CADPS2: variants seen among roughly 807,000 people sequenced by gnomAD.
CADPS2 encodes calcium-dependent secretion activator 2.
CADPS2 carries 93 observed loss-of-function variants against 172.5 expected under a neutral mutation model. The ratio of observed to expected loss-of-function variants is 0.54; its 90% CI spans 0.46 to 0.64. The LOEUF (loss-of-function observed/expected upper bound fraction) is 0.64. Among genes scored for constraint, CADPS2 ranks in the 30% least tolerant of loss-of-function variants. The probability of loss-of-function intolerance (pLI) is 0.00; values close to 1 mark genes in which losing one functional copy is unlikely to be tolerated. For synonymous variants in CADPS2, 546 were observed against 555.2 expected, an observed-to-expected ratio of 0.98 and a Z score of 0.23; for missense variants, 1,420 against 1,565.9, an observed-to-expected ratio of 0.91 and a Z score of 1.57.
intron 1 of CADPS2, among the ~76,000 whole-genome samples, chr7:122,834,901 T>C (rs1220185273): frequency 6.6e-6 from 1 of 152,152 alleles, no homozygotes; most frequent in Non-Finnish European, 1.5e-5. Flanking sequence ...CTCTGCACAT[T>C]TAAATGTCCC....
intron 11 of CADPS2, among the ~76,000 whole-genome samples, chr7:122,481,545 G>C (rs761951951): frequency 9.9e-5 from 15 of 151,920 alleles, no homozygotes; most frequent in East Asian, 1.9e-4. Flanking sequence ...TTCAAGACCA[G>C]CCTGGCCAAC....
At chr7:122,862,378 T>G (rs1160797027) in intron 1 of CADPS2, among the ~76,000 whole-genome samples, 1 of 152,176 alleles carries the variant, frequency 6.6e-6, no homozygotes, top group African/African-American at 2.4e-5. Flanking sequence ...TGAAATGTCA[T>G]CACATAATCC....
chr7:122,639,589 A>G (rs925107307), intron 3 of CADPS2, among the ~76,000 whole-genome samples: 1 of 152,166 alleles, frequency 6.6e-6, no homozygotes, highest in African/African-American at 2.4e-5. Context: ...TAACCACCAT[A>G]AAGACACTCC....
At chr7:122,583,053 T>C (rs1300886372) in intron 6 of CADPS2, among the ~76,000 whole-genome samples, 2 of 151,436 alleles carry the variant, frequency 1.3e-5, no homozygotes, top group Non-Finnish European at 2.9e-5. Flanking sequence ...CTTTGCTGGA[T>C]AGAATAAGAC....
Position 122,451,472 on chromosome 7 carries a change from A to G in CADPS2, c.2190T>C (p.Pro730=), listed in dbSNP as rs1026818649. The change falls in exon 15 of 30, where the codon CCT becomes CCC. Residue 730 remains proline, a synonymous_variant. Coordinates refer to ENST00000449022, the MANE Select transcript of CADPS2 (RefSeq NM_017954.11). ...CCACTGAAACAGTCCCAATTCCATC[A>G]GGCCTGAAAAAAAAATCAGAATCAA... ...FCASHVHGNR[P]DGIGTVSVEE... is the part of the protein sequence containing the mutation. The G allele has an allele frequency of 6.5e-7, 1 of 1,548,936 alleles. No homozygotes were observed. The highest frequency in any genetic ancestry group is 8.7e-7 in the Non-Finnish European group (1 of 1,143,742).
chr7:122,348,534 T>C (rs1461439794), intron 27 of CADPS2, among the ~76,000 whole-genome samples: 4 of 152,160 alleles, frequency 2.6e-5, no homozygotes, highest in Admixed American at 2.6e-4. Flanking sequence ...TTAAAAAAAT[T>C]GCATTTTCTT....
intron 4 of CADPS2, among the ~76,000 whole-genome samples, chr7:122,622,021 G>A (rs924528557): frequency 6.6e-6 from 1 of 152,126 alleles, no homozygotes; most frequent in South Asian, 2.1e-4. Flanking sequence ...AACATGCATG[G>A]AAGATATTTT....
rs1001237974 is a variant in CADPS2, at chr7:122,424,251, C to T, written c.2477-8087G>A. 40 of 783,198 alleles carry T rather than the reference C, an allele frequency of 5.1e-5. No homozygotes were observed. In the African/African-American group the frequency reaches 7.0e-4, roughly 14 times the overall value. 48.5% of individuals were successfully genotyped at this position (783,198 alleles called of 1,614,324 possible). On this transcript the variant is annotated intron_variant, in intron 17 of 29. Transcript: ENST00000449022. ...AAGTAAGAGTTGCAGTTAATATTCT[C>T]CCGGAATTAACCATGCTAATAATAT...
chr7:122,697,761 T>TA (rs2085345475), intron 2 of CADPS2: 1 of 1,531,690 alleles, frequency 6.5e-7, no homozygotes, highest in Non-Finnish European at 8.8e-7. Context: ...CATACAGGTT[T>TA]AATACACTTC....
At chr7:122,821,291 T>C (rs1803208367) in intron 1 of CADPS2, among the ~76,000 whole-genome samples, 2 of 152,134 alleles carry the variant, frequency 1.3e-5, no homozygotes, top group South Asian at 4.1e-4. Context: ...TTATGCTATA[T>C]AGTACAAGCC....
intron 2 of CADPS2, among the ~76,000 whole-genome samples, chr7:122,690,460 G>A (rs1214328442): frequency 3.9e-5 from 6 of 152,224 alleles, no homozygotes; most frequent in Non-Finnish European, 5.9e-5. Flanking sequence ...GGAGTAACAT[G>A]TAAGTTATAC....
intron 11 of CADPS2, among the ~76,000 whole-genome samples, chr7:122,481,244 C>A (rs1009830433): frequency 2.0e-5 from 3 of 147,710 alleles, no homozygotes; most frequent in Non-Finnish European, 3.0e-5. Context: ...TGGCTCACTG[C>A]AAGCTCTGCC....
intron 1 of CADPS2, among the ~76,000 whole-genome samples, chr7:122,819,717 T>C (rs1802574471): frequency 1.3e-5 from 2 of 152,114 alleles, no homozygotes; most frequent in African/African-American, 4.8e-5. Flanking sequence ...TCTGCTTCCC[T>C]GACTATTCCT....
chr7:122,557,457 C>A (rs998097929), intron 7 of CADPS2, among the ~76,000 whole-genome samples: 2 of 151,988 alleles, frequency 1.3e-5, no homozygotes, highest in African/African-American at 4.8e-5. Context: ...CCCATTTTTC[C>A]TTTTTCCACG....
At chr7:122,363,715 G>GA (rs2040484958) in intron 25 of CADPS2, among the ~76,000 whole-genome samples, 1 of 152,092 alleles carries the variant, frequency 6.6e-6, no homozygotes, top group Admixed American at 6.6e-5. Context: ...TTATGTGAAA[G>GA]AACTGTGAAA....
chr7:122,391,873 T>C (rs532670157), intron 22 of CADPS2, among the ~76,000 whole-genome samples: 5 of 152,240 alleles, frequency 3.3e-5, no homozygotes, highest in African/African-American at 9.6e-5. Flanking sequence ...AAATTAATGA[T>C]AGGAGTGAGG....
At chr7:122,790,026 G>GTTTTTTTTTTTT (rs771290127) in intron 1 of CADPS2, among the ~76,000 whole-genome samples, 2 of 141,076 alleles carry the variant, frequency 1.4e-5, no homozygotes, top group Non-Finnish European at 1.5e-5. Flanking sequence ...CAAATATTAA[G>GTTTTTTTTTTTT]TGTTTTTTTT....
At chr7:122,541,847 T>A (rs36153084) in intron 8 of CADPS2, among the ~76,000 whole-genome samples, 1 of 127,922 alleles carries the variant, frequency 7.8e-6, no homozygotes, top group African/African-American at 3.0e-5. Flanking sequence ...GTTTATATAT[T>A]CATATATATT....
chr7:122,369,127 TCCCC>T (rs68130351), intron 25 of CADPS2, among the ~76,000 whole-genome samples: 13 of 49,794 alleles, frequency 2.6e-4, no homozygotes, highest in South Asian at 2.3e-3. Context: ...AATTTTTGTT[TCCCC>T]CCCCCCCCCC....
Sources: gnomAD v4.1 joint callset for allele counts (sites outside exome capture counted in the v4.1 genomes callset) on GRCh38, gnomAD v4.1.1 for gene constraint, MANE v1.5 for transcripts, NCBI Gene and HGNC (gene_info 2026-07-23, HGNC 2026-07-21) for gene names.